TENM3: variants seen among roughly 807,000 people sequenced by gnomAD.
The protein encoded by TENM3 is teneurin transmembrane protein 3, also known as teneurin-3.
A neutral mutation model predicts 255.1 loss-of-function variants in TENM3; 63 were observed. The ratio of observed to expected loss-of-function variants is 0.25; its 90% CI spans 0.20 to 0.30. TENM3 has a LOEUF of 0.30. Among genes scored for constraint, TENM3 ranks in the 10% least tolerant of loss-of-function variants. TENM3 has a pLI of 1.00. For synonymous variants in TENM3, 1,306 were observed against 1,322.3 expected (o/e 0.99, Z 0.27); for missense variants, 2,929 against 3,461.1 (o/e 0.85, Z 3.86).
chr4:181,606,872 C>T, the TENM3 span, among the ~76,000 whole-genome samples: 11 of 151,932 alleles, frequency 7.2e-5, no homozygotes, highest in African/African-American at 2.4e-4. Flanking sequence ...TTGCAAGACT[C>T]GGTTCACCAG....
chr4:182,106,906 G>A, the TENM3 span, among the ~76,000 whole-genome samples: 4 of 152,018 alleles, frequency 2.6e-5, no homozygotes, highest in African/African-American at 9.7e-5. Context: ...CAAAAACTTG[G>A]AATATTGAAG....
At chr4:182,316,428 T>G (rs537680851) in intron 1 of TENM3, among the ~76,000 whole-genome samples, 21 of 152,142 alleles carry the variant, frequency 1.4e-4, no homozygotes, top group Non-Finnish European at 2.4e-4. Flanking sequence ...CCCTGTATAC[T>G]TACTTTACCT....
At chr4:182,108,481 T>C in the TENM3 span, among the ~76,000 whole-genome samples, 1 of 152,208 alleles carries the variant, frequency 6.6e-6, no homozygotes, top group African/African-American at 2.4e-5. Flanking sequence ...TCCAAACAAG[T>C]TGAATCACAA....
At chr4:182,095,421 G>A in the TENM3 span, among the ~76,000 whole-genome samples, 1 of 152,188 alleles carries the variant, frequency 6.6e-6, no homozygotes, top group East Asian at 1.9e-4. Context: ...AGGACATTTT[G>A]TTAAGTGAAA....
chr4:181,742,974 A>G, the TENM3 span, among the ~76,000 whole-genome samples: 1 of 151,356 alleles, frequency 6.6e-6, no homozygotes, highest in South Asian at 2.1e-4. Context: ...ATGATTTCCA[A>G]TTTCATCCAT....
At chr4:181,828,618 C>G in the TENM3 span, among the ~76,000 whole-genome samples, 1 of 152,052 alleles carries the variant, frequency 6.6e-6, no homozygotes, top group Non-Finnish European at 1.5e-5. Flanking sequence ...GGGTCTCACT[C>G]TGTTGCCCAG....
At chr4:181,556,364 G>A in the TENM3 span, among the ~76,000 whole-genome samples, 1 of 151,780 alleles carries the variant, frequency 6.6e-6, no homozygotes, top group African/African-American at 2.4e-5. Flanking sequence ...AATTTGTGGG[G>A]TTTTTTTCTA....
At position 182,497,847 on chromosome 4, in the gene TENM3, CATAT is replaced by C. The variant is rs56170155; in HGVS notation, c.512-103044_512-103041del. On this transcript the variant is annotated intron_variant, in intron 3 of 27. Coordinates refer to ENST00000511685, the MANE Select transcript of TENM3 (RefSeq NM_001080477.4). ...ATATACCCCATCTCTACTAAAAATACATATATATATATATATATATATATATATA... is the reference window on the plus strand; with the variant it reads ...ATATACCCCATCTCTACTAAAAATACATATATATATATATATATATATATA... Among the ~76,000 whole-genome samples, 1,113 of 135,558 alleles carry C rather than the reference CATAT, an allele frequency of 8.2e-3. 14 individuals carry two copies. Among genetic ancestry groups the C allele is most frequent in the South Asian group, 0.022 (99 of 4,492 alleles). 88.9% of individuals were successfully genotyped at this position (135,558 alleles called of 152,430 possible). A position where few individuals can be genotyped will look rare whatever the true frequency, so the allele number is the denominator to read the frequency against.
chr4:182,087,448 CAGG>C, the TENM3 span, among the ~76,000 whole-genome samples: 2 of 152,110 alleles, frequency 1.3e-5, no homozygotes, highest in African/African-American at 4.8e-5. Flanking sequence ...CATGGTATAC[CAGG>C]AGATCGTTTG....
chr4:181,748,315 T>C, the TENM3 span, among the ~76,000 whole-genome samples: 2 of 152,220 alleles, frequency 1.3e-5, no homozygotes, highest in East Asian at 3.9e-4. Context: ...CATTCTCCGG[T>C]AGAATTTAAA....
At position 182,406,846 on chromosome 4, in the gene TENM3, G is replaced by A. The variant is rs149621682; in HGVS notation, c.511+59917G>A. On this transcript the variant is annotated intron_variant, in intron 3 of 27. Transcript: ENST00000511685. ...TCCACGAACAAAAATAGGCTGAAAT[G>A]TCTTTGATTAATTATGGTTTCAGAC... is the stretch of plus-strand genomic sequence containing the variant. Among the ~76,000 whole-genome samples, 10 of 152,308 alleles carry A rather than the reference G, an allele frequency of 6.6e-5. No homozygotes were observed. The East Asian group carries it at 1.9e-3, about 29-fold the overall frequency.
chr4:181,524,266 G>A, the TENM3 span, among the ~76,000 whole-genome samples: 1,045 of 152,286 alleles, frequency 6.9e-3, 14 homozygotes, highest in African/African-American at 0.024. Context: ...AAGGCGAGTA[G>A]AAAATACTAC....
At chr4:181,914,323 T>C in the TENM3 span, among the ~76,000 whole-genome samples, 1 of 152,172 alleles carries the variant, frequency 6.6e-6, no homozygotes, top group Admixed American at 6.6e-5. Context: ...TCTCTACCAA[T>C]GGCCTCACAA....
At chr4:182,190,320 C>G (rs546939602) in intron 1 of TENM3, 1 of 152,270 alleles carries the variant, frequency 6.6e-6, no homozygotes, top group South Asian at 2.1e-4. Context: ...ACTCAGATAA[C>G]TACAGAAAAC....
chr4:182,092,327 TATAA>T, the TENM3 span, among the ~76,000 whole-genome samples: 14 of 151,178 alleles, frequency 9.3e-5, no homozygotes, highest in East Asian at 5.9e-4. Flanking sequence ...AAATAGCCTG[TATAA>T]ATAAATAAAT....
intron 3 of TENM3, among the ~76,000 whole-genome samples, chr4:182,526,170 C>T (rs1049560484): frequency 5.3e-5 from 8 of 151,956 alleles, no homozygotes; most frequent in African/African-American, 1.9e-4. Flanking sequence ...TTAGTAGAGA[C>T]GGGGTTTCAC....
At chr4:182,343,141 G>T (rs1764590904) in intron 2 of TENM3, among the ~76,000 whole-genome samples, 1 of 152,072 alleles carries the variant, frequency 6.6e-6, no homozygotes, top group Non-Finnish European at 1.5e-5. Context: ...TCCTTTTCTA[G>T]ATTTTCACAT....
intron 16 of TENM3, among the ~76,000 whole-genome samples, chr4:182,735,137 A>C (rs528105347): frequency 2.0e-5 from 3 of 152,184 alleles, no homozygotes; most frequent in Non-Finnish European, 4.4e-5. Flanking sequence ...TCTTAAATTT[A>C]ATGGTTTCCC....
the TENM3 span, among the ~76,000 whole-genome samples, chr4:181,501,851 G>C: frequency 6.6e-5 from 10 of 152,172 alleles, no homozygotes; most frequent in Admixed American, 6.5e-4. Flanking sequence ...TAGAGTCTGA[G>C]GACATAGATG....
Sources: allele counts gnomAD v4.1 joint callset (sites outside exome capture counted in the v4.1 genomes callset), GRCh38; gene constraint gnomAD v4.1.1; transcripts MANE v1.5; gene names NCBI Gene and HGNC (gene_info 2026-07-23, HGNC 2026-07-21).